ATG4C: variants seen among roughly 807,000 people sequenced by gnomAD.
ATG4C encodes the protein cysteine protease ATG4C.
A neutral mutation model predicts 57.6 loss-of-function variants in ATG4C; 56 were observed. The observed-to-expected ratio is 0.97, with a 90% CI of 0.78 to 1.21. The LOEUF (loss-of-function observed/expected upper bound fraction) is 1.21, where lower values mean the gene tolerates loss of function less well. ATG4C is among the 50% of genes most tolerant of loss of function. The pLI, the probability that ATG4C is intolerant of heterozygous loss-of-function variation, is 0.00. For synonymous variants in ATG4C, 157 were observed against 174.1 expected (o/e 0.90, Z 0.78); for missense variants, 595 against 529.8 (o/e 1.12, Z -1.21).
intron 10 of ATG4C, among the ~76,000 whole-genome samples, chr1:62,855,274 T>G (rs1274267521): frequency 6.6e-6 from 1 of 152,170 alleles, no homozygotes; most frequent in African/African-American, 2.4e-5. Flanking sequence ...ACTCACAAAC[T>G]TAGGTTGTAT....
In ATG4C at chr1:62,829,094, C is replaced by T. The variant is rs1382528497; in HGVS notation, c.851C>T (p.Ala284Val). 1 of 1,612,796 alleles carries T rather than the reference C, an allele frequency of 6.2e-7. No individual in the cohort carries two copies. Among genetic ancestry groups the T allele is most frequent in the Non-Finnish European group, 8.5e-7 (1 of 1,179,124 alleles). ...AGTGCTTCCATGACTTCTGATAATG[C>T]AGATGACAAAGCTGTTATTATTCTA... ...KQSASMTSDN[A>V]DDKAVIILVP... The change falls in exon 7 of 11, where the codon GCA becomes GTA. Residue 284 changes from alanine (A) to valine (V), a missense_variant. By Grantham distance (64) the Ala-to-Val change is moderately conservative (BLOSUM62 0). Coordinates refer to ENST00000317868, the MANE Select transcript of ATG4C (RefSeq NM_032852.4).
intron 10 of ATG4C, among the ~76,000 whole-genome samples, chr1:62,858,738 G>C (rs571376525): frequency 1.7e-4 from 26 of 152,222 alleles, no homozygotes; most frequent in African/African-American, 5.8e-4. Flanking sequence ...CTAATAACAG[G>C]CCTTTTTATT....
intron 10 of ATG4C, among the ~76,000 whole-genome samples, chr1:62,861,507 A>T (rs949445970): frequency 6.6e-6 from 1 of 151,532 alleles, no homozygotes; most frequent in African/African-American, 2.4e-5. Flanking sequence ...AGCCGTGATC[A>T]TGCCACTGCA....
At chr1:62,797,684 G>A (rs955973024) in intron 1 of ATG4C, among the ~76,000 whole-genome samples, 2 of 151,682 alleles carry the variant, frequency 1.3e-5, no homozygotes, top group Non-Finnish European at 2.9e-5. Flanking sequence ...ATTGGTAATT[G>A]GTATTGAACT....
chr1:62,804,089 CT>C (rs71692941), intron 2 of ATG4C, among the ~76,000 whole-genome samples: 25,317 of 140,368 alleles, frequency 0.18, 2,202 homozygotes, highest in African/African-American at 0.26. Context: ...CTCCTTTTTT[CT>C]TTTTTTTTTT....
chr1:62,823,666 G>A (rs1374944281), intron 6 of ATG4C, among the ~76,000 whole-genome samples: 1 of 152,042 alleles, frequency 6.6e-6, no homozygotes, highest in African/African-American at 2.4e-5. Flanking sequence ...AATTTGTCCC[G>A]ACCTACATTT....
rs376534382 is a variant in ATG4C at position 62,834,785 on chromosome 1, T to C, written c.1022T>C (p.Leu341Ser). Residue 341 changes from leucine (L) to serine (S), a missense_variant, in exon 9 of 11, where the codon TTG (leucine) becomes TCG (serine). By Grantham distance (145) the Leu-to-Ser change is moderately radical. Coordinates refer to ENST00000317868, the MANE Select transcript of ATG4C (RefSeq NM_032852.4). Reference protein sequence around the residue: ...YYFAGFQDDSLIYMDPHYCQS... With the variant: ...YYFAGFQDDSSIYMDPHYCQS... Reference sequence around the variant, plus strand: ...TGTTTTGTCCTTGTAGATGACAGTTTGATTTACATGGATCCTCATTACTGC... The same window carrying C: ...TGTTTTGTCCTTGTAGATGACAGTTCGATTTACATGGATCCTCATTACTGC... The C allele has an allele frequency of 1.2e-6, 2 of 1,611,802 alleles. No individual in the cohort carries two copies. Among genetic ancestry groups the C allele is most frequent in the Non-Finnish European group, 1.7e-6 (2 of 1,178,384 alleles).
chr1:62,816,526 A>T (rs759120503), intron 3 of ATG4C, 49 bp from the exon 4 acceptor site: 6 of 1,339,062 alleles, frequency 4.5e-6, no homozygotes, highest in Non-Finnish European at 1.0e-6. Context: ...GTTTGTTACC[A>T]TTATAGACAT....
intron 6 of ATG4C, among the ~76,000 whole-genome samples, chr1:62,827,643 A>G (rs977389581): frequency 2.6e-5 from 4 of 152,142 alleles, no homozygotes; most frequent in Admixed American, 2.6e-4. Flanking sequence ...GAATACATAA[A>G]TCAGGTAGGT....
At chr1:62,801,958 CAAAAAAAAAAAAAAAAA>C (rs60298362) in intron 1 of ATG4C, among the ~76,000 whole-genome samples, 6 of 51,892 alleles carry the variant, frequency 1.2e-4, no homozygotes, top group East Asian at 6.2e-4. Flanking sequence ...ACTCTGTCTC[CAAAAAAAAAAAAAAAAA>C]AAAAAAAAAA....
intron 6 of ATG4C, among the ~76,000 whole-genome samples, chr1:62,822,514 C>T (rs1248724443): frequency 2.0e-5 from 3 of 152,034 alleles, no homozygotes; most frequent in African/African-American, 7.2e-5. Flanking sequence ...ACACAGTCAG[C>T]CTAGATATTT....
chr1:62,845,961 C>G (rs1294067704), intron 10 of ATG4C, among the ~76,000 whole-genome samples: 6 of 152,078 alleles, frequency 3.9e-5, no homozygotes, highest in African/African-American at 1.4e-4. Flanking sequence ...GTCAGCCTCC[C>G]AAAGGTAGAA....
chr1:62,842,529 G>A (rs571229639), intron 10 of ATG4C, among the ~76,000 whole-genome samples: 1 of 152,052 alleles, frequency 6.6e-6, no homozygotes, highest in Non-Finnish European at 1.5e-5. Flanking sequence ...TCGAACTCCT[G>A]ACCTCAGAAT....
chr1:62,805,901 G>A (rs1664861760), intron 3 of ATG4C, among the ~76,000 whole-genome samples: 1 of 152,134 alleles, frequency 6.6e-6, no homozygotes, highest in Admixed American at 6.5e-5. Flanking sequence ...CTCTAATACT[G>A]GCATTCTTTT....
Position 62,834,826 on chromosome 1 carries a change from G to A in ATG4C, c.1063G>A (p.Val355Ile), listed in dbSNP as rs188162198. The A allele has an allele frequency of 2.6e-5, 42 of 1,612,078 alleles. No homozygotes were observed. The highest frequency in any genetic ancestry group is 3.3e-5 in the Non-Finnish European group (39 of 1,178,756). The part of the protein sequence containing the change: ...DPHYCQSFVD[V>I]SIKDFPLETF... ...TCATTACTGCCAATCTTTTGTAGAT[G>A]TCAGCATAAAGGATTTCCCTCTTGA... The change falls in exon 9 of 11, where the codon GTC (valine) becomes ATC (isoleucine). Residue 355 changes from valine (V) to isoleucine (I), a missense_variant. Physicochemically the swap from Val to Ile is conservative, Grantham distance 29 (BLOSUM62 3). Coordinates refer to ENST00000317868, the MANE Select transcript of ATG4C (RefSeq NM_032852.4).
At chr1:62,795,331 C>T (rs954121966) in intron 1 of ATG4C, among the ~76,000 whole-genome samples, 2 of 152,150 alleles carry the variant, frequency 1.3e-5, no homozygotes, top group Non-Finnish European at 2.9e-5. Flanking sequence ...TATCTTAATG[C>T]ATGGTTATTG....
chr1:62,853,228 A>AT (rs993734233), intron 10 of ATG4C, among the ~76,000 whole-genome samples: 3 of 150,750 alleles, frequency 2.0e-5, no homozygotes, highest in Non-Finnish European at 3.0e-5. Context: ...GCCAAATGAA[A>AT]TTTTTTTTTT....
intron 1 of ATG4C, among the ~76,000 whole-genome samples, chr1:62,791,878 A>G (rs1214698173): frequency 6.6e-6 from 1 of 152,136 alleles, no homozygotes; most frequent in African/African-American, 2.4e-5. Context: ...TTATGCTCCT[A>G]GACATTAGAC....
At chr1:62,823,262 G>C (rs775580747) in intron 6 of ATG4C, among the ~76,000 whole-genome samples, 1 of 152,142 alleles carries the variant, frequency 6.6e-6, no homozygotes, top group African/African-American at 2.4e-5. Context: ...AATTCAGCAC[G>C]TTTAAAAGTA....
Sources: allele counts gnomAD v4.1 joint callset (sites outside exome capture counted in the v4.1 genomes callset), GRCh38; gene constraint gnomAD v4.1.1; transcripts MANE v1.5; gene names NCBI Gene and HGNC (gene_info 2026-07-23, HGNC 2026-07-21).